Variants in USP10 observed in about 807,000 individuals in gnomAD.
USP10 encodes ubiquitin carboxyl-terminal hydrolase 10.
USP10 carries 22 observed loss-of-function variants against 84.5 expected under a neutral mutation model. That is an observed-to-expected ratio of 0.26 (90% CI 0.19 to 0.37). The LOEUF (loss-of-function observed/expected upper bound fraction) is 0.37. Among genes scored for constraint, USP10 ranks in the 10% least tolerant of loss-of-function variants. The probability of loss-of-function intolerance (pLI) is 1.00; values close to 1 mark genes in which losing one functional copy is unlikely to be tolerated. For synonymous variants in USP10, 454 were observed against 387.6 expected (o/e 1.17, Z -2.01); for missense variants, 1,019 against 998.9 (o/e 1.02, Z -0.27).
chr16:84,717,807 T>G (rs1352175412), intron 1 of USP10, among the ~76,000 whole-genome samples: 4 of 152,234 alleles, frequency 2.6e-5, no homozygotes, highest in Non-Finnish European at 5.9e-5. Context: ...TCTCTGGTCC[T>G]CAGGTGTATG....
At chr16:84,712,490 C>A (rs577197243) in intron 1 of USP10, among the ~76,000 whole-genome samples, 4 of 152,280 alleles carry the variant, frequency 2.6e-5, no homozygotes, top group Non-Finnish European at 5.9e-5. Context: ...TTGGCAGGGA[C>A]CAGTTGAAGC....
rs754656504 is a variant in USP10, at chr16:84,714,913, GATTATT to G, written c.21+14821_21+14826del. Among the ~76,000 whole-genome samples the G allele has an allele frequency of 4.7e-4, 70 of 147,920 alleles. 2 individuals carry two copies. Among genetic ancestry groups the G allele is most frequent in the African/African-American group, 5.9e-4 (24 of 40,536 alleles). ...GTTTGAAAAATATTTAAAAAGTTCT[GATTATT>G]ATTATTATTATTATTATTTTTTTTT... On this transcript the variant is annotated intron_variant, in intron 1 of 13. Coordinates refer to ENST00000219473, the MANE Select transcript of USP10 (RefSeq NM_005153.3).
At chr16:84,746,415 C>T (rs1911231695) in intron 4 of USP10, among the ~76,000 whole-genome samples, 1 of 152,230 alleles carries the variant, frequency 6.6e-6, no homozygotes, top group African/African-American at 2.4e-5. Context: ...GAGTACTACA[C>T]AAATACAGGT....
chr16:84,749,602 A>C (rs753372836), intron 4 of USP10, among the ~76,000 whole-genome samples: 2 of 152,096 alleles, frequency 1.3e-5, no homozygotes, highest in Non-Finnish European at 2.9e-5. Context: ...TACACACACA[A>C]AATGCTTGGA....
intron 1 of USP10, among the ~76,000 whole-genome samples, chr16:84,714,836 A>AC (rs1375111212): frequency 6.6e-6 from 1 of 151,780 alleles, no homozygotes; most frequent in Non-Finnish European, 1.5e-5. Flanking sequence ...TTAAAACATG[A>AC]ATTTTTTTAA....
intron 1 of USP10, among the ~76,000 whole-genome samples, chr16:84,706,319 T>TC (rs1230638417): frequency 6.6e-6 from 1 of 152,074 alleles, no homozygotes; most frequent in African/African-American, 2.4e-5. Flanking sequence ...ATAAAAAACT[T>TC]CTGATACATT....
chr16:84,759,560 T>A, intron 6 of USP10, 88 bp downstream of exon 6: 1 of 1,213,772 alleles, frequency 8.2e-7, no homozygotes, highest in Non-Finnish European at 1.2e-6. Context: ...AGCTCTTGAT[T>A]TCCTGCAAAT....
intron 8 of USP10, among the ~76,000 whole-genome samples, chr16:84,762,554 G>A (rs1913326399): frequency 6.6e-6 from 1 of 152,070 alleles, no homozygotes; most frequent in Admixed American, 6.5e-5. Context: ...AGCCAGGCAT[G>A]GTGGCACACA....
rs1263201398 is a variant in USP10 at position 84,774,585 on chromosome 16, C to G, written c.2144-575C>G. Among the ~76,000 whole-genome samples, 89 of 151,834 alleles carry G rather than the reference C, an allele frequency of 5.9e-4. 1 individual carries two copies. Among genetic ancestry groups the G allele is most frequent in the Non-Finnish European group, 1.5e-5 (1 of 67,972 alleles). On this transcript the variant is annotated intron_variant, in intron 12 of 13. Coordinates refer to ENST00000219473, the MANE Select transcript of USP10 (RefSeq NM_005153.3). ...TCCCGGGTTCAAGTGATTCTCCTGCCTCAGCCTCCCGAGTAGCTGAGACTA... is the reference window on the plus strand; with the variant it reads ...TCCCGGGTTCAAGTGATTCTCCTGCGTCAGCCTCCCGAGTAGCTGAGACTA...
At chr16:84,734,221 C>G (rs766299005) in intron 2 of USP10, among the ~76,000 whole-genome samples, 2 of 151,834 alleles carry the variant, frequency 1.3e-5, no homozygotes, top group Non-Finnish European at 2.9e-5. Flanking sequence ...TTTTAACAGT[C>G]TTCATTCCCA....
At chr16:84,777,880 C>G (rs934104620) in intron 13 of USP10, among the ~76,000 whole-genome samples, 5 of 152,258 alleles carry the variant, frequency 3.3e-5, no homozygotes, top group Non-Finnish European at 7.3e-5. Context: ...GCAGGCTGCC[C>G]TGTCATTCCC....
chr16:84,730,664 C>G (rs908882228), intron 1 of USP10, among the ~76,000 whole-genome samples: 10 of 152,106 alleles, frequency 6.6e-5, no homozygotes, highest in African/African-American at 2.4e-4. Context: ...GTTTTCTCCT[C>G]CTCTCCTCCT....
intron 4 of USP10, among the ~76,000 whole-genome samples, chr16:84,756,483 C>A (rs1329666830): frequency 6.6e-6 from 1 of 152,144 alleles, no homozygotes; most frequent in African/African-American, 2.4e-5. Flanking sequence ...ATCCCAGCTA[C>A]ATGGGAGGCT....
chr16:84,758,956 T>C lies in USP10; in HGVS notation c.1284+149T>C. ...TATTACTTGGTCTGCCTACCTTGCT[T>C]ATAAACAGGATTATTCCTGACCCCA... On this transcript the variant is annotated intron_variant, in intron 5 of 13. Coordinates refer to ENST00000219473, the MANE Select transcript of USP10 (RefSeq NM_005153.3). 4 of 654,564 alleles carry C rather than the reference T, an allele frequency of 6.1e-6. No homozygotes were observed. In the South Asian group the frequency reaches 7.3e-5, roughly 12 times the overall value. The allele number at this position is 654,564 out of a possible 1,614,324, so 40.5% of individuals were successfully genotyped here. A position where few individuals can be genotyped will look rare whatever the true frequency, so the allele number is the denominator to read the frequency against.
intron 4 of USP10, among the ~76,000 whole-genome samples, chr16:84,746,766 T>A (rs1443080277): frequency 2.0e-5 from 3 of 152,170 alleles, no homozygotes; most frequent in Admixed American, 1.3e-4. Flanking sequence ...ATTTACAAAT[T>A]TTTCCTCAAT....
intron 10 of USP10, 108 bp downstream of exon 10, chr16:84,764,371 T>A: frequency 6.9e-7 from 1 of 1,442,002 alleles, no homozygotes; most frequent in Non-Finnish European, 9.6e-7. Context: ...GACGTAATGG[T>A]TTGCATCTTG....
intron 13 of USP10, among the ~76,000 whole-genome samples, chr16:84,778,203 C>G (rs2150881391): frequency 6.6e-6 from 1 of 152,068 alleles, no homozygotes; most frequent in Non-Finnish European, 1.5e-5. Flanking sequence ...CAGTGCCCCA[C>G]CACAGCTCCA....
intron 4 of USP10, 91 bp downstream of exon 4, chr16:84,745,764 C>T: frequency 3.0e-6 from 4 of 1,332,702 alleles, no homozygotes; most frequent in Middle Eastern, 1.9e-4. Context: ...ATAACAATGG[C>T]AGATTACCTG....
chr16:84,723,146 GTT>G (rs36122502), intron 1 of USP10, among the ~76,000 whole-genome samples: 6,321 of 142,050 alleles, frequency 0.044, 236 homozygotes, highest in East Asian at 0.22. Flanking sequence ...CACATCCAGG[GTT>G]TTTTTTTTTT....
Sources: gnomAD v4.1 joint callset for allele counts (sites outside exome capture counted in the v4.1 genomes callset) on GRCh38, gnomAD v4.1.1 for gene constraint, MANE v1.5 for transcripts, NCBI Gene and HGNC (gene_info 2026-07-23, HGNC 2026-07-21) for gene names.